The following CRYGB variants were observed in gnomAD, a reference collection of about 807,000 sequenced individuals.
CRYGB encodes the protein gamma-crystallin B.
In CRYGB, 19 loss-of-function variants were observed where a neutral mutation model predicts 21.3. The observed-to-expected ratio is 0.89, with a 90% CI of 0.62 to 1.31. The LOEUF (loss-of-function observed/expected upper bound fraction) is 1.31. Among genes scored for constraint, CRYGB ranks in the 50% most tolerant of loss-of-function variants. The probability of loss-of-function intolerance (pLI) is 0.00; values close to 1 mark genes in which losing one functional copy is unlikely to be tolerated. For missense variants in CRYGB, 254 were observed against 228.4 expected (o/e 1.11, Z -0.72); for synonymous variants, 81 against 81.2 (o/e 1.00, Z 0.01).
chr2:208,144,729 T>C (rs1027750979), intron 2 of CRYGB, among the ~76,000 whole-genome samples: 2 of 151,970 alleles, frequency 1.3e-5, no homozygotes, highest in African/African-American at 4.8e-5. Context: ...TAGCTGAGAC[T>C]ACAGGCGCGT....
intron 2 of CRYGB, among the ~76,000 whole-genome samples, 161 bp downstream of exon 2, chr2:208,145,613 C>T (rs1289733641): frequency 7.0e-6 from 1 of 143,166 alleles, no homozygotes; most frequent in Non-Finnish European, 1.5e-5. Context: ...TGCTTGAACC[C>T]GGGAGGCGGA....
At chr2:208,144,683 C>T (rs979279334) in intron 2 of CRYGB, among the ~76,000 whole-genome samples, 6 of 151,822 alleles carry the variant, frequency 4.0e-5, no homozygotes, top group East Asian at 1.9e-4. Flanking sequence ...CTACCCTTCC[C>T]GGGTTCAAGC....
rs1426268520 is a variant in CRYGB at position 208,145,960 on chromosome 2, G to A, written c.66C>T (p.Asp22=). 6.2e-7 allele frequency: 1 copy of A among 1,614,108 alleles called. No individual in the cohort carries two copies. Among genetic ancestry groups the A allele is most frequent in the East Asian group, 2.2e-5 (1 of 44,890 alleles). ...TGAAATAGGGTTGTAGGTTGGGGCA[G>A]TCAGTGGTGCATTCGTAGCTGCGGC... ...FQGRSYECTT[D]CPNLQPYFSR... is the part of the protein sequence containing the mutation. The change falls in exon 2 of 3, where the codon GAC becomes GAT. Residue 22 remains aspartate (D), a synonymous_variant. Coordinates refer to ENST00000260988, the MANE Select transcript of CRYGB (RefSeq NM_005210.4).
At chr2:208,145,073 C>T (rs1318065660) in intron 2 of CRYGB, among the ~76,000 whole-genome samples, 1 of 152,152 alleles carries the variant, frequency 6.6e-6, no homozygotes, top group Non-Finnish European at 1.5e-5. Context: ...GAATCTCAAA[C>T]TTTAGTTTCA....
Position 208,145,850 on chromosome 2 carries a change from C to G in CRYGB, c.176G>C (p.Arg59Pro), listed in dbSNP as rs780743669. 3.1e-6 allele frequency: 5 copies of G among 1,613,962 alleles called. No homozygotes were observed. The highest frequency in any genetic ancestry group is 4.2e-6 in the Non-Finnish European group (5 of 1,180,024). Residue 59 changes from arginine (R) to proline (P), a missense_variant, in exon 2 of 3, where the codon CGG becomes CCG. Physicochemically the swap from Arg to Pro is moderately radical, Grantham distance 103. Coordinates refer to ENST00000260988, the MANE Select transcript of CRYGB (RefSeq NM_005210.4). The stretch of plus-strand genomic sequence containing the variant: ...CTGGTAGTCAGGGTACTCCCCACGC[C>G]GCAGGAAGTACTGGTGGCCCTGGTA... Reference protein sequence around the residue: ...PNYQGHQYFLRRGEYPDYQQW... With the variant: ...PNYQGHQYFLPRGEYPDYQQW...
chr2:208,144,738 G>A (rs528874179), intron 2 of CRYGB, among the ~76,000 whole-genome samples: 15 of 151,908 alleles, frequency 9.9e-5, no homozygotes, highest in South Asian at 2.1e-4. Flanking sequence ...CTACAGGCGC[G>A]TGCCACCAAG....
chr2:208,145,305 C>T (rs1001534127), intron 2 of CRYGB, among the ~76,000 whole-genome samples: 4 of 151,408 alleles, frequency 2.6e-5, no homozygotes, highest in East Asian at 2.0e-4. Context: ...TGCAGTGGCA[C>T]GATCTCGGCT....
At chr2:208,145,331 C>T (rs774819891) in intron 2 of CRYGB, among the ~76,000 whole-genome samples, 15 of 151,558 alleles carry the variant, frequency 9.9e-5, no homozygotes, top group Non-Finnish European at 1.8e-4. Context: ...CAACCTCCAT[C>T]TCCCGGCTTC....
chr2:208,142,628 C>T lies in CRYGB; in HGVS notation c.*10G>A, dbSNP rs771834624. Reference sequence around the variant, plus strand: ...GATTTTAAAGGAGAAAAGTGGAAAACGTAAATACTTCAGTACAAATCCATG... The same window carrying T: ...GATTTTAAAGGAGAAAAGTGGAAAATGTAAATACTTCAGTACAAATCCATG... On this transcript the variant is annotated 3_prime_UTR_variant, in exon 3 of 3. Transcript: ENST00000260988. The T allele has an allele frequency of 3.3e-5, 49 of 1,462,942 alleles. No individual in the cohort carries two copies. In the South Asian group the frequency reaches 6.3e-4, roughly 19 times the overall value. 90.6% of individuals were successfully genotyped at this position (1,462,942 alleles called of 1,614,324 possible). A position where few individuals can be genotyped will look rare whatever the true frequency, so the allele number is the denominator to read the frequency against.
In CRYGB at chr2:208,146,095, C is replaced by G; in HGVS notation, c.9+17G>C. 1 of 1,614,174 alleles carries G rather than the reference C, an allele frequency of 6.2e-7. No homozygotes were observed. The highest frequency in any genetic ancestry group is 8.5e-7 in the Non-Finnish European group (1 of 1,180,012). ...TGCATTAGGGCCAAGGCTGAGCATC[C>G]GGTACCCAGGACTTACCTTTCCCAT... is the stretch of plus-strand genomic sequence containing the variant. On this transcript the variant is annotated intron_variant, in intron 1 of 2. Coordinates refer to ENST00000260988, the MANE Select transcript of CRYGB (RefSeq NM_005210.4).
At position 208,145,876 on chromosome 2, in the gene CRYGB, G is replaced by A; in HGVS notation, c.150C>T (p.Asn50=). 1.2e-6 allele frequency: 2 copies of A among 1,614,126 alleles called. No homozygotes were observed. Among genetic ancestry groups the A allele is most frequent in the Non-Finnish European group, 1.7e-6 (2 of 1,180,034 alleles). ...GCAGGAAGTACTGGTGGCCCTGGTA[G>A]TTGGGGCGCTCATAGATCATCCAGC... ...SGCWMIYERP[N]YQGHQYFLRR... The change falls in exon 2 of 3, where the codon AAC becomes AAT. Residue 50 remains asparagine (N), a synonymous_variant. Coordinates refer to ENST00000260988, the MANE Select transcript of CRYGB (RefSeq NM_005210.4).
In CRYGB at chr2:208,143,473, C is replaced by T. The variant is rs539191186; in HGVS notation, c.253-560G>A. Among the ~76,000 whole-genome samples the T allele has an allele frequency of 3.4e-5, 5 of 148,284 alleles. No individual in the cohort carries two copies. In the East Asian group the frequency reaches 9.8e-4, roughly 29 times the overall value. On this transcript the variant is annotated intron_variant, in intron 2 of 2. Coordinates refer to ENST00000260988, the MANE Select transcript of CRYGB (RefSeq NM_005210.4). Reference sequence around the variant, plus strand: ...ATTGTGTATTCAGTGGAAAGCTGATCAAGGGCTCAAAGAACCTTTTGTCTC... The same window carrying T: ...ATTGTGTATTCAGTGGAAAGCTGATTAAGGGCTCAAAGAACCTTTTGTCTC...
chr2:208,142,682 T>C lies in CRYGB; in HGVS notation c.484A>G (p.Asn162Asp). 6.3e-7 allele frequency: 1 copy of C among 1,583,472 alleles called. No homozygotes were observed. Among genetic ancestry groups the C allele is most frequent in the Non-Finnish European group, 8.6e-7 (1 of 1,168,312 alleles). ...YRRFLDWGAPNAKVGSLRRVM... is the reference protein window; with the variant it reads ...YRRFLDWGAPDAKVGSLRRVM... ...CGTCTAAGAGAGCCAACTTTGGCATTTGGAGCCCCCCAATCAAGAAACCTC... is the reference window on the plus strand; with the variant it reads ...CGTCTAAGAGAGCCAACTTTGGCATCTGGAGCCCCCCAATCAAGAAACCTC... Residue 162 changes from asparagine to aspartate, a missense_variant, in exon 3 of 3, where the codon AAT becomes GAT. By Grantham distance (23) the Asn-to-Asp change is conservative (BLOSUM62 1). Transcript: ENST00000260988.
At chr2:208,145,475 G>A (rs2105872075) in intron 2 of CRYGB, among the ~76,000 whole-genome samples, 1 of 152,122 alleles carries the variant, frequency 6.6e-6, no homozygotes, top group African/African-American at 2.4e-5. Flanking sequence ...GATCACTTGA[G>A]GCCAGGAGTT....
In CRYGB at chr2:208,142,833, G is replaced by C. The variant is rs1419026145; in HGVS notation, c.333C>G (p.Ile111Met). 1 of 1,614,124 alleles carries C rather than the reference G, an allele frequency of 6.2e-7. No homozygotes were observed. ...GQMSELTDDC[I>M]SVQDRFHLTE... ...TGAGGTGGAAGCGGTCCTGAACAGA[G>C]ATACAGTCGTCTGTGAGCTCTGACA... Residue 111 changes from isoleucine (I) to methionine (M), a missense_variant, in exon 3 of 3, where the codon ATC (isoleucine) becomes ATG (methionine). Transcript: ENST00000260988.
rs1221194112 is a variant in CRYGB at position 208,145,727 on chromosome 2, G to A, written c.252+47C>T. On this transcript the variant is annotated intron_variant, in intron 2 of 2. Coordinates refer to ENST00000260988, the MANE Select transcript of CRYGB (RefSeq NM_005210.4). ...AAAAAAAAAAGAATATCATGAAATA[G>A]CTTTTATTTCCAAAAAGATGGAAGG... The A allele has an allele frequency of 3.3e-6, 5 of 1,519,282 alleles. No individual in the cohort carries two copies. In the Admixed American group the frequency reaches 8.7e-5, roughly 26 times the overall value. 94.1% of individuals were successfully genotyped at this position (1,519,282 alleles called of 1,614,324 possible). A position where few individuals can be genotyped will look rare whatever the true frequency, so the allele number is the denominator to read the frequency against.
intron 2 of CRYGB, among the ~76,000 whole-genome samples, chr2:208,143,188 C>T (rs1354811653): frequency 6.6e-6 from 1 of 152,146 alleles, no homozygotes; most frequent in Non-Finnish European, 1.5e-5. Context: ...TTTGAGAAAG[C>T]CTTTCTCAAA....
Position 208,142,600 on chromosome 2 carries a change from T to C in CRYGB, c.*38A>G. On this transcript the variant is annotated 3_prime_UTR_variant, in exon 3 of 3. Coordinates refer to ENST00000260988, the MANE Select transcript of CRYGB (RefSeq NM_005210.4). ...CCAGAAACACAAGCTAAATATTTTA[T>C]TAGATTTTAAAGGAGAAAAGTGGAA... 1.4e-6 allele frequency: 2 copies of C among 1,449,812 alleles called. No homozygotes were observed. Among genetic ancestry groups the C allele is most frequent in the Non-Finnish European group, 1.8e-6 (2 of 1,099,792 alleles). 89.8% of individuals were successfully genotyped at this position (1,449,812 alleles called of 1,614,324 possible).
At chr2:208,144,082 G>C (rs10190999) in intron 2 of CRYGB, among the ~76,000 whole-genome samples, 29,945 of 144,570 alleles carry the variant, frequency 0.21, 3,196 homozygotes, top group Middle Eastern at 0.3. Flanking sequence ...GTGCAATGGC[G>C]TGATCTCGGC....
Sources: allele counts gnomAD v4.1 joint callset (sites outside exome capture counted in the v4.1 genomes callset), GRCh38; gene constraint gnomAD v4.1.1; transcripts MANE v1.5; gene names NCBI Gene and HGNC (gene_info 2026-07-23, HGNC 2026-07-21).